BCAS3: variants seen among roughly 807,000 people sequenced by gnomAD.
The protein encoded by BCAS3 is BCAS4/BCAS3 fusion.
Under a neutral mutation model 116.1 loss-of-function variants are expected in BCAS3, and 53 were observed. That is an observed-to-expected ratio of 0.46 (90% CI 0.37 to 0.57). The LOEUF is 0.57. BCAS3 is among the 20% of genes least tolerant of loss of function. BCAS3 has a pLI of 0.00. For synonymous variants in BCAS3, 391 were observed against 408.2 expected, an observed-to-expected ratio of 0.96 and a Z score of 0.51; for missense variants, 917 against 1,165.4, an observed-to-expected ratio of 0.79 and a Z score of 3.10.
intron 22 of BCAS3, among the ~76,000 whole-genome samples, chr17:61,185,093 A>G (rs1231236215): frequency 6.6e-6 from 1 of 152,088 alleles, no homozygotes; most frequent in East Asian, 1.9e-4. Flanking sequence ...ATTAAGGGTA[A>G]ATTAAAGCCC....
Position 61,008,885 on chromosome 17 carries a change from C to G in BCAS3, c.1487-6866C>G, listed in dbSNP as rs576014589. ...CCGTAGAATTGTCTTCTGAGGAGTGCCAGAGAGTCACATTGACCTCGGGCT... is the reference window on the plus strand; with the variant it reads ...CCGTAGAATTGTCTTCTGAGGAGTGGCAGAGAGTCACATTGACCTCGGGCT... On this transcript the variant is annotated intron_variant, in intron 15 of 23. Transcript: ENST00000407086. The surrounding 1 kb of genome is among the most constrained non-coding windows in gnomAD (Gnocchi z 4.6). Among the ~76,000 whole-genome samples the G allele has an allele frequency of 2.8e-4, 43 of 151,946 alleles. No individual in the cohort carries two copies. Among genetic ancestry groups the G allele is most frequent in the Admixed American group, 1.3e-3 (20 of 15,230 alleles).
intron 13 of BCAS3, among the ~76,000 whole-genome samples, chr17:60,940,452 T>A (rs7225581): frequency 0.31 from 47,535 of 152,118 alleles, 12,476 homozygotes; most frequent in African/African-American, 0.72. Flanking sequence ...CTTTGGGACC[T>A]TTGTTTTCCA....
intron 13 of BCAS3, among the ~76,000 whole-genome samples, chr17:60,942,147 C>T (rs1315436911): frequency 2.0e-5 from 3 of 152,102 alleles, no homozygotes; most frequent in Non-Finnish European, 4.4e-5. Context: ...TGTTTGAGGC[C>T]GGGTGCGGTG....
At chr17:60,933,472 T>A (rs1016408008) in intron 13 of BCAS3, among the ~76,000 whole-genome samples, 3 of 152,298 alleles carry the variant, frequency 2.0e-5, no homozygotes, top group East Asian at 3.9e-4. Flanking sequence ...TTTCCATCCA[T>A]TAATAAGAGG....
At chr17:60,690,608 TA>T (rs969488940) in intron 4 of BCAS3, among the ~76,000 whole-genome samples, 23 of 146,454 alleles carry the variant, frequency 1.6e-4, no homozygotes, top group Admixed American at 8.3e-4. Flanking sequence ...AGTAAGTAAA[TA>T]AAAAAAAATC....
At chr17:60,986,036 C>T (rs926387073) in intron 14 of BCAS3, among the ~76,000 whole-genome samples, 3 of 152,218 alleles carry the variant, frequency 2.0e-5, no homozygotes, top group East Asian at 3.8e-4. Flanking sequence ...CATGCCTGGC[C>T]AAGTTCCTTG....
chr17:60,734,587 A>G (rs1039146007), intron 5 of BCAS3, among the ~76,000 whole-genome samples: 5 of 152,200 alleles, frequency 3.3e-5, no homozygotes, highest in Non-Finnish European at 5.9e-5. Flanking sequence ...TGAAAAGACT[A>G]TCTTGGCTCC....
At chr17:61,274,112 C>T (rs1386558548) in intron 22 of BCAS3, among the ~76,000 whole-genome samples, 1 of 150,828 alleles carries the variant, frequency 6.6e-6, no homozygotes, top group Non-Finnish European at 1.5e-5. Context: ...CTCCCCACTC[C>T]CCCCACCCCA....
intron 22 of BCAS3, among the ~76,000 whole-genome samples, chr17:61,342,332 A>G (rs956928948): frequency 6.6e-6 from 1 of 152,186 alleles, no homozygotes; most frequent in African/African-American, 2.4e-5. Flanking sequence ...GCCTTGGCCA[A>G]CGTGCTTATG....
chr17:60,949,858 A>G (rs1345398276), intron 14 of BCAS3, among the ~76,000 whole-genome samples: 1 of 152,248 alleles, frequency 6.6e-6, no homozygotes, highest in Non-Finnish European at 1.5e-5. Context: ...AAACAACACC[A>G]TGAAAATGCA....
At chr17:61,160,751 T>C (rs1457918213) in intron 22 of BCAS3, among the ~76,000 whole-genome samples, 1 of 152,178 alleles carries the variant, frequency 6.6e-6, no homozygotes, top group African/African-American at 2.4e-5. Context: ...TAGTTAAAAC[T>C]GTGACCTTGA....
chr17:60,864,001 T>A (rs1485144936), intron 7 of BCAS3, among the ~76,000 whole-genome samples: 1 of 152,238 alleles, frequency 6.6e-6, no homozygotes, highest in Non-Finnish European at 1.5e-5. Context: ...CAGTGCAGCT[T>A]TATTCAGTAG....
Position 60,960,421 on chromosome 17 carries a change from AGTAGGATATGC to A in BCAS3, c.1221+13078_1221+13088del, listed in dbSNP as rs998206442. ...AAGTTACCTCCTGCCAAAATACAGTAGTAGGATATGCGTAGGATAGACATTTCAAAAGGAAG... is the reference window on the plus strand; with the variant it reads ...AAGTTACCTCCTGCCAAAATACAGTAGTAGGATAGACATTTCAAAAGGAAG... On this transcript the variant is annotated intron_variant, in intron 14 of 23. Coordinates refer to ENST00000407086, the MANE Select transcript of BCAS3 (RefSeq NM_017679.5). This position sits in a 1 kb window ranked among gnomAD's most constrained non-coding sequence, Gnocchi z 4.1. Among the ~76,000 whole-genome samples the A allele has an allele frequency of 3.5e-4, 53 of 152,352 alleles. No homozygotes were observed. Among genetic ancestry groups the A allele is most frequent in the Non-Finnish European group, 5.4e-4 (37 of 68,036 alleles).
Position 61,104,102 on chromosome 17 carries a change from A to G in BCAS3, c.2425+19538A>G, listed in dbSNP as rs7224305. 0.96 allele frequency among the ~76,000 whole-genome samples: 145,712 copies of G among 152,244 alleles called. 70,076 individuals are homozygous for G. Among genetic ancestry groups the G allele is most frequent in the East Asian group, 1 (5,178 of 5,178 alleles). On this transcript the variant is annotated intron_variant, in intron 22 of 23. Coordinates refer to ENST00000407086, the MANE Select transcript of BCAS3 (RefSeq NM_017679.5). The surrounding 1 kb of genome is among the most constrained non-coding windows in gnomAD (Gnocchi z 4.1). ...TTGGAATAAAAGAAAAAACTTTTCT[A>G]AAGTTACAAATGGTTTCATTTACCA...
At chr17:60,974,992 C>CTTTTTTTTTT (rs1568007292) in intron 14 of BCAS3, among the ~76,000 whole-genome samples, 2 of 142,026 alleles carry the variant, frequency 1.4e-5, no homozygotes, top group African/African-American at 5.9e-5. Context: ...GTTTTTTTTG[C>CTTTTTTTTTT]TTTTTTGTTT....
chr17:61,127,971 T>C (rs908367998), intron 22 of BCAS3, among the ~76,000 whole-genome samples: 17 of 152,122 alleles, frequency 1.1e-4, no homozygotes, highest in African/African-American at 3.9e-4. Context: ...GTTGGATGCC[T>C]TCCTCTGAAG....
At chr17:61,049,080 C>G (rs2068602528) in intron 19 of BCAS3, among the ~76,000 whole-genome samples, 1 of 151,864 alleles carries the variant, frequency 6.6e-6, no homozygotes, top group South Asian at 2.1e-4. Flanking sequence ...GGAAGGATTG[C>G]TTGAGGTCAG....
intron 6 of BCAS3, among the ~76,000 whole-genome samples, chr17:60,797,453 A>G (rs756516121): frequency 1.6e-4 from 24 of 152,026 alleles, no homozygotes; most frequent in Non-Finnish European, 3.2e-4. Flanking sequence ...GGGCCCAAGC[A>G]GTTCTCCTGT....
intron 6 of BCAS3, among the ~76,000 whole-genome samples, chr17:60,755,200 C>G (rs1452438040): frequency 6.6e-6 from 1 of 152,078 alleles, no homozygotes; most frequent in East Asian, 1.9e-4. Context: ...CAGTTTATAC[C>G]TAGCTGAACC....
Sources: allele counts gnomAD v4.1 joint callset (sites outside exome capture counted in the v4.1 genomes callset), GRCh38; gene constraint gnomAD v4.1.1; non-coding constraint Gnocchi (gnomAD v3.1); transcripts MANE v1.5; gene names NCBI Gene and HGNC (gene_info 2026-07-23, HGNC 2026-07-21).